The following LRP1B variants were observed in gnomAD, a reference collection of about 807,000 sequenced individuals.
The protein encoded by LRP1B is LDL receptor related protein 1B, also known as low-density lipoprotein receptor-related protein 1B.
A neutral mutation model predicts 556.6 loss-of-function variants in LRP1B; 217 were observed. The ratio of observed to expected loss-of-function variants is 0.39; its 90% confidence interval spans 0.35 to 0.44. The LOEUF (loss-of-function observed/expected upper bound fraction) is 0.44. Among genes scored for constraint, LRP1B ranks in the 20% least tolerant of loss-of-function variants. The probability of loss-of-function intolerance (pLI) is 1.00; values close to 1 mark genes in which losing one functional copy is unlikely to be tolerated. For synonymous variants in LRP1B, 2,047 were observed against 1,865.8 expected (o/e 1.10, Z -2.50); for missense variants, 5,053 against 5,620.8 (o/e 0.90, Z 3.23).
intron 37 of LRP1B, among the ~76,000 whole-genome samples, chr2:140,709,248 T>G (rs1469190158): frequency 6.6e-6 from 1 of 152,182 alleles, no homozygotes; most frequent in East Asian, 1.9e-4. Context: ...TGTGTTTCAG[T>G]TAGAGATTAT....
rs551145970 is a variant in LRP1B at position 142,127,377 on chromosome 2, T to A, written c.82+3271A>T. On this transcript the variant is annotated intron_variant, in intron 1 of 90. Coordinates refer to ENST00000389484, the MANE Select transcript of LRP1B (RefSeq NM_018557.3). Reference sequence around the variant, plus strand: ...TCTGATGTATGGCAGAATCCATCCATCCATCCATCCATCCATCCATCCATC... The same window carrying A: ...TCTGATGTATGGCAGAATCCATCCAACCATCCATCCATCCATCCATCCATC... Among the ~76,000 whole-genome samples, 290 of 151,178 alleles carry A rather than the reference T, an allele frequency of 1.9e-3. 1 individual carries two copies. Among genetic ancestry groups the A allele is most frequent in the Non-Finnish European group, 3.5e-3 (240 of 67,698 alleles).
chr2:141,013,281 C>A (rs779379523), intron 14 of LRP1B, among the ~76,000 whole-genome samples: 2 of 151,832 alleles, frequency 1.3e-5, no homozygotes, highest in African/African-American at 4.8e-5. Flanking sequence ...TAACTAATAG[C>A]CTTCTTCAAT....
intron 87 of LRP1B, among the ~76,000 whole-genome samples, chr2:140,245,413 C>T (rs115975634): frequency 0.02 from 3,077 of 151,476 alleles, 39 homozygotes; most frequent in Non-Finnish European, 0.03. Flanking sequence ...ATTTCATACA[C>T]AGTCTATGCT....
intron 2 of LRP1B, among the ~76,000 whole-genome samples, chr2:141,481,914 G>A (rs1162685961): frequency 6.6e-6 from 1 of 152,078 alleles, no homozygotes; most frequent in Non-Finnish European, 1.5e-5. Flanking sequence ...GTTCTCAGAA[G>A]GTAAGTTGCT....
intron 35 of LRP1B, among the ~76,000 whole-genome samples, chr2:140,750,098 A>G (rs1380440101): frequency 3.3e-5 from 5 of 151,834 alleles, no homozygotes; most frequent in East Asian, 1.9e-4. Context: ...ACACACACAC[A>G]CACACACACA....
chr2:140,644,758 T>C (rs1203884691), intron 41 of LRP1B, among the ~76,000 whole-genome samples: 3 of 152,130 alleles, frequency 2.0e-5, no homozygotes, highest in Non-Finnish European at 1.5e-5. Context: ...CAAACTTCGC[T>C]GTCCTGGTAT....
intron 83 of LRP1B, among the ~76,000 whole-genome samples, chr2:140,309,265 C>T (rs1243380051): frequency 6.6e-6 from 1 of 151,784 alleles, no homozygotes. Flanking sequence ...TTATCTAGCT[C>T]CCTCCCAGGT....
chr2:140,503,217 G>T, intron 53 of LRP1B, 114 bp from the exon 54 acceptor site: 1 of 885,796 alleles, frequency 1.1e-6, no homozygotes, highest in Non-Finnish European at 1.7e-6. Context: ...TCTCCCATGA[G>T]AAATATTTCT....
chr2:140,944,152 A>G (rs1392615230), intron 20 of LRP1B, among the ~76,000 whole-genome samples: 1 of 152,138 alleles, frequency 6.6e-6, no homozygotes, highest in African/African-American at 2.4e-5. Flanking sequence ...CTCTGTGTGT[A>G]CAAACTAGAA....
At chr2:140,664,561 G>A (rs1685203793) in intron 41 of LRP1B, among the ~76,000 whole-genome samples, 1 of 152,078 alleles carries the variant, frequency 6.6e-6, no homozygotes, top group Non-Finnish European at 1.5e-5. Flanking sequence ...ATATCATTCT[G>A]ATGGTACTTA....
At chr2:141,692,110 T>TAG (rs1488982876) in intron 2 of LRP1B, among the ~76,000 whole-genome samples, 1 of 152,034 alleles carries the variant, frequency 6.6e-6, no homozygotes, top group Non-Finnish European at 1.5e-5. Context: ...TTTCCTTGTT[T>TAG]AGATTAATGG....
At chr2:140,827,264 A>G (rs923947683) in intron 31 of LRP1B, among the ~76,000 whole-genome samples, 2 of 152,152 alleles carry the variant, frequency 1.3e-5, no homozygotes, top group African/African-American at 4.8e-5. Flanking sequence ...CCTCAAATGG[A>G]CAAAACAAAG....
chr2:140,303,908 T>G (rs1573759807), intron 83 of LRP1B, among the ~76,000 whole-genome samples: 1 of 150,546 alleles, frequency 6.6e-6, no homozygotes, highest in Admixed American at 6.6e-5. Context: ...GAACGTGTGG[T>G]GTTTGGTTTT....
At chr2:140,610,644 G>A (rs565760175) in intron 41 of LRP1B, among the ~76,000 whole-genome samples, 10 of 152,288 alleles carry the variant, frequency 6.6e-5, no homozygotes, top group Non-Finnish European at 1.2e-4. Context: ...GGAGTGCAGT[G>A]GTGCGATCTT....
chr2:140,876,328 G>A (rs927082603), intron 25 of LRP1B, among the ~76,000 whole-genome samples: 1 of 152,034 alleles, frequency 6.6e-6, no homozygotes, highest in Non-Finnish European at 1.5e-5. Context: ...GAGCATGTTT[G>A]TTTCTCTCTA....
intron 3 of LRP1B, among the ~76,000 whole-genome samples, chr2:141,392,884 G>A (rs921812323): frequency 1.8e-4 from 28 of 152,094 alleles, no homozygotes; most frequent in Non-Finnish European, 3.7e-4. Flanking sequence ...AATCCCAAAC[G>A]TTCTCCACAA....
intron 72 of LRP1B, among the ~76,000 whole-genome samples, chr2:140,363,571 T>C (rs541642079): frequency 6.6e-6 from 1 of 151,748 alleles, no homozygotes; most frequent in East Asian, 1.9e-4. Context: ...ATCTAATCCC[T>C]GGTGATTACC....
chr2:141,337,451 T>C (rs1167185170), intron 3 of LRP1B, among the ~76,000 whole-genome samples: 1 of 151,754 alleles, frequency 6.6e-6, no homozygotes, highest in Non-Finnish European at 1.5e-5. Context: ...ATTCTGAAAG[T>C]AAGTTCTTTA....
At chr2:141,491,852 T>A (rs762808394) in intron 2 of LRP1B, among the ~76,000 whole-genome samples, 5 of 152,092 alleles carry the variant, frequency 3.3e-5, no homozygotes, top group Non-Finnish European at 7.4e-5. Flanking sequence ...TTAAGATACC[T>A]GTAAAAGAAA....
Sources: allele counts gnomAD v4.1 joint callset (sites outside exome capture counted in the v4.1 genomes callset), GRCh38; gene constraint gnomAD v4.1.1; transcripts MANE v1.5; gene names NCBI Gene and HGNC (gene_info 2026-07-23, HGNC 2026-07-21).